RIC3: variants seen among roughly 807,000 people sequenced by gnomAD.
RIC3 encodes the protein RIC3 acetylcholine receptor chaperone, also known as protein RIC-3.
In RIC3, 28 loss-of-function variants were observed where a neutral mutation model predicts 27.3. That is an observed-to-expected ratio of 1.02 (90% CI 0.76 to 1.41). RIC3 has a LOEUF of 1.41. Ranked by LOEUF, RIC3 falls within the 40% of genes most tolerant of loss-of-function variation. RIC3 has a pLI of 0.00. For synonymous variants in RIC3, 184 were observed against 160.4 expected (o/e 1.15, Z -1.11); for missense variants, 501 against 444.7 (o/e 1.13, Z -1.14).
chr11:8,160,256 G>A (rs776425305), intron 1 of RIC3, among the ~76,000 whole-genome samples: 1 of 152,218 alleles, frequency 6.6e-6, no homozygotes, highest in Non-Finnish European at 1.5e-5. Flanking sequence ...GGGGAAAAGT[G>A]GGTGGGGATA....
intron 1 of RIC3, among the ~76,000 whole-genome samples, chr11:8,162,902 T>A (rs1276850624): frequency 6.6e-6 from 1 of 151,996 alleles, no homozygotes; most frequent in Non-Finnish European, 1.5e-5. Context: ...TGCCTTGGGC[T>A]CCCCAAGTGC....
chr11:8,158,835 G>A (rs574495600), intron 1 of RIC3, among the ~76,000 whole-genome samples: 1 of 26,484 alleles, frequency 3.8e-5, no homozygotes, highest in South Asian at 1.2e-3. Context: ...CTGGGTTCAA[G>A]CAATTCTCTG....
the RIC3 span, chr11:8,096,763 G>A: frequency 6.2e-7 from 1 of 1,614,044 alleles, no homozygotes; most frequent in Non-Finnish European, 8.5e-7. Flanking sequence ...CAGCTAAATA[G>A]TAACACCCGC....
chr11:8,160,989 C>A (rs1344606551), intron 1 of RIC3, among the ~76,000 whole-genome samples: 1 of 152,268 alleles, frequency 6.6e-6, no homozygotes, highest in East Asian at 1.9e-4. Flanking sequence ...TAAGGACACG[C>A]CCAGGAGAGA....
chr11:8,113,343 C>T (rs1272030793), intron 5 of RIC3, among the ~76,000 whole-genome samples: 1 of 152,220 alleles, frequency 6.6e-6, no homozygotes, highest in Non-Finnish European at 1.5e-5. Flanking sequence ...CCTACCCCAA[C>T]ACCAGGCCTC....
At chr11:8,104,128 A>G (rs1197964399), downstream of RIC3, 1 of 152,306 alleles carries the variant, frequency 6.6e-6, no homozygotes, top group Non-Finnish European at 1.5e-5. Context: ...TAGGGCCCCT[A>G]GAAACCACCT....
At chr11:8,127,456 G>A (rs541623407) in intron 4 of RIC3, among the ~76,000 whole-genome samples, 10 of 152,302 alleles carry the variant, frequency 6.6e-5, no homozygotes, top group African/African-American at 2.2e-4. Flanking sequence ...CCAGGCTTCT[G>A]ATTGCATTCT....
At chr11:8,101,840 GA>G, downstream of RIC3, 1 of 476,120 alleles carries the variant, frequency 2.1e-6, no homozygotes, top group Non-Finnish European at 3.2e-6. Flanking sequence ...GAAGGGATGA[GA>G]ATAATTCTTT....
In RIC3 at chr11:8,106,088, ATAAACTTTGG is replaced by A. The variant is rs1944601042; in HGVS notation, c.*4600_*4609del. ...AACTGTGCTTTTATTGACTTTTTGA[ATAAACTTTGG>A]TATTCTGGAGCAAATGTATTTATTT... On this transcript the variant is annotated 3_prime_UTR_variant, in exon 6 of 6. Coordinates refer to ENST00000309737, the MANE Select transcript of RIC3 (RefSeq NM_001206671.4). 6.6e-6 allele frequency: 1 copy of A among 152,176 alleles called. No individual in the cohort carries two copies. Among genetic ancestry groups the A allele is most frequent in the African/African-American group, 2.4e-5 (1 of 41,434 alleles). The allele number at this position is 152,176 out of a possible 1,614,324, so 9.4% of individuals were successfully genotyped here. A position where few individuals can be genotyped will look rare whatever the true frequency, so the allele number is the denominator to read the frequency against.
chr11:8,134,840 G>A (rs1308221949), intron 4 of RIC3, among the ~76,000 whole-genome samples: 4 of 151,842 alleles, frequency 2.6e-5, no homozygotes, highest in African/African-American at 9.7e-5. Context: ...TGTTGATGGG[G>A]TTGTTTTTTT....
chr11:8,121,992 G>A (rs1432106637), intron 5 of RIC3, among the ~76,000 whole-genome samples: 1 of 152,152 alleles, frequency 6.6e-6, no homozygotes, highest in Non-Finnish European at 1.5e-5. Context: ...TACTCAGGAG[G>A]CTGAGGTGGG....
At chr11:8,160,867 G>T (rs1951101171) in intron 1 of RIC3, among the ~76,000 whole-genome samples, 1 of 152,232 alleles carries the variant, frequency 6.6e-6, no homozygotes, top group Non-Finnish European at 1.5e-5. Context: ...GAAGACTGAA[G>T]AAAGGGACAT....
intron 4 of RIC3, among the ~76,000 whole-genome samples, chr11:8,136,300 C>T (rs886160191): frequency 6.6e-6 from 1 of 152,298 alleles, no homozygotes; most frequent in Non-Finnish European, 1.5e-5. Flanking sequence ...TAAGGTAGAG[C>T]AACGATTTCC....
intron 1 of RIC3, among the ~76,000 whole-genome samples, chr11:8,158,304 G>A (rs1251073887): frequency 6.6e-6 from 1 of 152,160 alleles, no homozygotes; most frequent in Non-Finnish European, 1.5e-5. Context: ...AGGGCCACTG[G>A]AGAGGGGCTA....
In RIC3 at chr11:8,109,955, G is replaced by C. The variant is rs1401295780; in HGVS notation, c.*743C>G. ...TTCCTCTGTCCACTGAAAACCAGGA[G>C]TGCAAAGGTACTTCTGGGCTTGGCA... On this transcript the variant is annotated 3_prime_UTR_variant, in exon 6 of 6. Transcript: ENST00000309737. The C allele has an allele frequency of 6.5e-6, 1 of 152,768 alleles. No individual in the cohort carries two copies. Among genetic ancestry groups the C allele is most frequent in the Non-Finnish European group, 1.5e-5 (1 of 68,512 alleles). 9.5% of individuals were successfully genotyped at this position (152,768 alleles called of 1,614,324 possible).
At chr11:8,141,848 A>G (rs1241914371) in intron 1 of RIC3, among the ~76,000 whole-genome samples, 1 of 152,088 alleles carries the variant, frequency 6.6e-6, no homozygotes, top group Non-Finnish European at 1.5e-5. Flanking sequence ...AGTGCAATCA[A>G]ACTAGAACTC....
intron 1 of RIC3, among the ~76,000 whole-genome samples, chr11:8,167,411 A>C (rs1951794375): frequency 6.6e-6 from 1 of 152,232 alleles, no homozygotes. Context: ...TCATTTGAGC[A>C]GAAATTTGAA....
chr11:8,159,251 A>C (rs534292777), intron 1 of RIC3, among the ~76,000 whole-genome samples: 1 of 152,338 alleles, frequency 6.6e-6, no homozygotes, highest in South Asian at 2.1e-4. Flanking sequence ...CAAACAAGGG[A>C]AACAGCAAAT....
Position 8,109,119 on chromosome 11 carries a change from T to A in RIC3, c.*1579A>T, listed in dbSNP as rs1044914650. 2.0e-5 allele frequency: 3 copies of A among 152,218 alleles called. No individual in the cohort carries two copies. Among genetic ancestry groups the A allele is most frequent in the African/African-American group, 7.2e-5 (3 of 41,444 alleles). The allele number at this position is 152,218 out of a possible 1,614,324, so 9.4% of individuals were successfully genotyped here. On this transcript the variant is annotated 3_prime_UTR_variant, in exon 6 of 6. Coordinates refer to ENST00000309737, the MANE Select transcript of RIC3 (RefSeq NM_001206671.4). ...CTTGAATGACTTTCTGTAACTCAAT[T>A]AACAATAAATGCCTAGTAGTAGCTG...
Sources: allele counts gnomAD v4.1 joint callset (sites outside exome capture counted in the v4.1 genomes callset), GRCh38; gene constraint gnomAD v4.1.1; transcripts MANE v1.5; gene names NCBI Gene and HGNC (gene_info 2026-07-23, HGNC 2026-07-21).